Variants in PTPRO observed in about 807,000 individuals in gnomAD.
The protein encoded by PTPRO is receptor-type tyrosine-protein phosphatase O.
A neutral mutation model predicts 145.2 loss-of-function variants in PTPRO; 62 were observed. That is an observed-to-expected ratio of 0.43 (90% CI 0.35 to 0.53). The LOEUF (loss-of-function observed/expected upper bound fraction) is 0.53, where lower values mean the gene tolerates loss of function less well. PTPRO is among the 20% of genes least tolerant of loss of function. The pLI, the probability that PTPRO is intolerant of heterozygous loss-of-function variation, is 0.01. For synonymous variants in PTPRO, 565 were observed against 514.7 expected, an observed-to-expected ratio of 1.10 and a Z score of -1.32; for missense variants, 1,345 against 1,482.7, an observed-to-expected ratio of 0.91 and a Z score of 1.53.
intron 10 of PTPRO, among the ~76,000 whole-genome samples, chr12:15,520,526 T>G (rs1942693823): frequency 1.3e-5 from 2 of 152,252 alleles, no homozygotes; most frequent in Non-Finnish European, 2.9e-5. Context: ...TTACCACCGT[T>G]GACTTATTTT....
intron 23 of PTPRO, among the ~76,000 whole-genome samples, chr12:15,582,609 C>A (rs1360472142): frequency 6.6e-6 from 1 of 152,182 alleles, no homozygotes; most frequent in Non-Finnish European, 1.5e-5. Context: ...GAAGTGTTCT[C>A]ATTACTTATA....
Position 15,520,353 on chromosome 12 carries a change from T to C in PTPRO, c.1891+41T>C, listed in dbSNP as rs1477552952. The C allele has an allele frequency of 3.4e-6, 5 of 1,460,922 alleles. No individual in the cohort carries two copies. In the East Asian group the frequency reaches 1.1e-4, roughly 33 times the overall value. The allele number at this position is 1,460,922 out of a possible 1,614,324, so 90.5% of individuals were successfully genotyped here. A position where few individuals can be genotyped will look rare whatever the true frequency, so the allele number is the denominator to read the frequency against. ...GGAACAGTTCCACAAGGAGAGAGCATTATTGTGAGGAGTTACCAAGGTTCC... is the reference window on the plus strand; with the variant it reads ...GGAACAGTTCCACAAGGAGAGAGCACTATTGTGAGGAGTTACCAAGGTTCC... On this transcript the variant is annotated intron_variant, in intron 10 of 26. Transcript: ENST00000281171.
chr12:15,469,328 A>G (rs1192367084), intron 1 of PTPRO, among the ~76,000 whole-genome samples: 1 of 152,104 alleles, frequency 6.6e-6, no homozygotes, highest in Non-Finnish European at 1.5e-5. Flanking sequence ...GCTTCATTTT[A>G]TGAAAATAAA....
intron 9 of PTPRO, among the ~76,000 whole-genome samples, chr12:15,519,909 A>C (rs1396595081): frequency 3.9e-5 from 6 of 152,170 alleles, no homozygotes; most frequent in African/African-American, 1.2e-4. Context: ...TCACTTATAA[A>C]TAAGGACTGT....
At chr12:15,515,287 A>C (rs1282212385) in intron 7 of PTPRO, among the ~76,000 whole-genome samples, 1 of 152,154 alleles carries the variant, frequency 6.6e-6, no homozygotes, top group Non-Finnish European at 1.5e-5. Flanking sequence ...CAGGGCTTAG[A>C]ACAGACAAAA....
chr12:15,433,696 A>G (rs1441322765), intron 1 of PTPRO, among the ~76,000 whole-genome samples: 4 of 152,050 alleles, frequency 2.6e-5, no homozygotes, highest in Non-Finnish European at 2.9e-5. Flanking sequence ...TGGGCTCTCT[A>G]TTCTGTTCCT....
At chr12:15,584,334 A>C (rs1241271137) in intron 23 of PTPRO, among the ~76,000 whole-genome samples, 1 of 152,228 alleles carries the variant, frequency 6.6e-6, no homozygotes, top group East Asian at 1.9e-4. Flanking sequence ...TAGATATTTC[A>C]ATTGAAAAGC....
intron 19 of PTPRO, among the ~76,000 whole-genome samples, chr12:15,572,147 G>A (rs1287217534): frequency 6.6e-6 from 1 of 152,152 alleles, no homozygotes; most frequent in Non-Finnish European, 1.5e-5. Flanking sequence ...TGAGTTTGGG[G>A]TGGGCTTGGG....
chr12:15,394,851 T>C (rs895442731), intron 1 of PTPRO, among the ~76,000 whole-genome samples: 3 of 152,228 alleles, frequency 2.0e-5, no homozygotes, highest in Non-Finnish European at 4.4e-5. Context: ...CTAGTTTCTG[T>C]AAGATTTATT....
At chr12:15,515,703 T>C in intron 8 of PTPRO, 85 bp downstream of exon 8, 1 of 1,561,138 alleles carries the variant, frequency 6.4e-7, no homozygotes, top group Non-Finnish European at 8.8e-7. Context: ...CAAATCATTA[T>C]CATCGTATTT....
intron 2 of PTPRO, among the ~76,000 whole-genome samples, chr12:15,491,576 G>GA (rs748437526): frequency 3.3e-5 from 5 of 152,048 alleles, no homozygotes; most frequent in Admixed American, 2.6e-4. Flanking sequence ...CCTAATGAGG[G>GA]AAAAAATGAT....
At chr12:15,452,240 C>T (rs1941065704) in intron 1 of PTPRO, among the ~76,000 whole-genome samples, 1 of 152,092 alleles carries the variant, frequency 6.6e-6, no homozygotes, top group African/African-American at 2.4e-5. Flanking sequence ...ATTAGAAAAC[C>T]TGGAGGAGAT....
At chr12:15,468,361 C>A (rs1030505533) in intron 1 of PTPRO, among the ~76,000 whole-genome samples, 1 of 152,212 alleles carries the variant, frequency 6.6e-6, no homozygotes, top group Non-Finnish European at 1.5e-5. Context: ...CATAAAGCCT[C>A]TAACTTTTTT....
chr12:15,485,386 A>T lies in PTPRO; in HGVS notation c.349+1139A>T, dbSNP rs371525992. 2.0e-5 allele frequency among the ~76,000 whole-genome samples: 3 copies of T among 152,162 alleles called. No individual in the cohort carries two copies. In the South Asian group the frequency reaches 6.2e-4, roughly 32 times the overall value. On this transcript the variant is annotated intron_variant, in intron 2 of 26. Transcript: ENST00000281171. ...ACTGTCTTAAACAAGCTCTAGAAAA[A>T]GATGAATTGCAAGTCAGATTTAGGC... is the stretch of plus-strand genomic sequence containing the variant.
At chr12:15,496,072 C>T (rs1942094935) in intron 2 of PTPRO, among the ~76,000 whole-genome samples, 1 of 150,978 alleles carries the variant, frequency 6.6e-6, no homozygotes, top group Non-Finnish European at 1.5e-5. Flanking sequence ...TGACTCAGAT[C>T]ACAGTTACGT....
At chr12:15,592,771 C>T (rs983989429) in intron 25 of PTPRO, among the ~76,000 whole-genome samples, 4 of 152,118 alleles carry the variant, frequency 2.6e-5, no homozygotes, top group Non-Finnish European at 4.4e-5. Flanking sequence ...AATAATATAA[C>T]CTAGATAAGT....
In PTPRO at chr12:15,449,489, G is replaced by A. The variant is rs376812806; in HGVS notation, c.76-34485G>A. On this transcript the variant is annotated intron_variant, in intron 1 of 26. Transcript: ENST00000281171. ...ATAGGTCAAAGGGAGCAAACTTGTGGTTATATAGGATGAACAGACCAAGAG... is the reference window on the plus strand; with the variant it reads ...ATAGGTCAAAGGGAGCAAACTTGTGATTATATAGGATGAACAGACCAAGAG... Among the ~76,000 whole-genome samples the A allele has an allele frequency of 1.8e-4, 27 of 152,330 alleles. No individual in the cohort carries two copies. The East Asian group carries it at 5.0e-3, about 28-fold the overall frequency.
chr12:15,400,680 T>A lies in PTPRO; in HGVS notation c.75+77879T>A, dbSNP rs1939468645. Among the ~76,000 whole-genome samples, 3 of 152,356 alleles carry A rather than the reference T, an allele frequency of 2.0e-5. No homozygotes were observed. The South Asian group carries it at 6.2e-4, about 32-fold the overall frequency. On this transcript the variant is annotated intron_variant, in intron 1 of 26. Transcript: ENST00000281171. ...AATATTTTAATTAGCTTATTCAGTT[T>A]CTTATTCATTTGTTCAACAGATTCT... is the stretch of plus-strand genomic sequence containing the variant.
intron 1 of PTPRO, among the ~76,000 whole-genome samples, chr12:15,358,229 G>A (rs1030467513): frequency 1.3e-4 from 15 of 113,808 alleles, no homozygotes; most frequent in African/African-American, 4.6e-4. Context: ...TCTGGGGCCT[G>A]TCATGGGGTG....
Sources: allele counts gnomAD v4.1 joint callset (sites outside exome capture counted in the v4.1 genomes callset), GRCh38; gene constraint gnomAD v4.1.1; transcripts MANE v1.5; gene names NCBI Gene and HGNC (gene_info 2026-07-23, HGNC 2026-07-21).